UNC5C: variants seen among roughly 807,000 people sequenced by gnomAD.
UNC5C encodes the protein unc-5 netrin receptor C.
UNC5C carries 47 observed loss-of-function variants against 99.8 expected under a neutral mutation model. The ratio of observed to expected loss-of-function variants is 0.47; its 90% CI spans 0.37 to 0.60. The LOEUF is 0.60. Among genes scored for constraint, UNC5C ranks in the 20% least tolerant of loss-of-function variants. The pLI is 0.00. For missense variants in UNC5C, 1,062 were observed against 1,165.9 expected (o/e 0.91, Z 1.30); for synonymous variants, 487 against 452.2 (o/e 1.08, Z -0.98).
intron 1 of UNC5C, among the ~76,000 whole-genome samples, chr4:95,441,435 CTG>C (rs1378122144): frequency 2.0e-5 from 3 of 152,140 alleles, no homozygotes; most frequent in African/African-American, 7.2e-5. Context: ...AAGGAGGACT[CTG>C]TGATTATCAG....
chr4:95,266,757 C>T (rs190159829), intron 4 of UNC5C, among the ~76,000 whole-genome samples: 248 of 152,282 alleles, frequency 1.6e-3, no homozygotes, highest in African/African-American at 5.2e-3. Context: ...GCTCTGTTAC[C>T]TCTTTCCTAA....
chr4:95,241,374 G>A (rs934574900), intron 7 of UNC5C, among the ~76,000 whole-genome samples: 5 of 152,134 alleles, frequency 3.3e-5, no homozygotes, highest in Non-Finnish European at 7.4e-5. Flanking sequence ...CAACATAATT[G>A]TTTATTTGTA....
At chr4:95,224,517 T>C (rs886757369) in intron 7 of UNC5C, among the ~76,000 whole-genome samples, 11 of 152,326 alleles carry the variant, frequency 7.2e-5, no homozygotes, top group Middle Eastern at 3.4e-3. Flanking sequence ...TTCACAAATA[T>C]TATGTAGATT....
intron 1 of UNC5C, among the ~76,000 whole-genome samples, chr4:95,486,640 G>A (rs1245669561): frequency 1.3e-5 from 2 of 151,582 alleles, no homozygotes; most frequent in African/African-American, 2.4e-5. Context: ...ATTCCAAAAT[G>A]CAAATCTGAT....
At chr4:95,390,021 A>G (rs1023869778) in intron 1 of UNC5C, among the ~76,000 whole-genome samples, 5 of 152,140 alleles carry the variant, frequency 3.3e-5, no homozygotes, top group Non-Finnish European at 5.9e-5. Flanking sequence ...TGTCTTGAAA[A>G]TAGTGTAATA....
chr4:95,534,025 A>AT lies in UNC5C; in HGVS notation c.124+14708dup, dbSNP rs397947924. Among the ~76,000 whole-genome samples, 1,071 of 152,358 alleles carry AT rather than the reference A, an allele frequency of 7.0e-3. 11 individuals are homozygous for AT. The highest frequency in any genetic ancestry group is 0.045 in the East Asian group (231 of 5,190). On this transcript the variant is annotated intron_variant, in intron 1 of 15. Transcript: ENST00000453304. ...GAATAATATCCTATAAAGATAAAAC[A>AT]TTTTTATAATTATGTAGGGACTAAA...
chr4:95,387,147 AT>A (rs374635489), intron 1 of UNC5C, among the ~76,000 whole-genome samples: 1 of 149,904 alleles, frequency 6.7e-6, no homozygotes, highest in African/African-American at 2.4e-5. Flanking sequence ...CTCTCTTTTT[AT>A]TTTTTTTTGA....
intron 13 of UNC5C, among the ~76,000 whole-genome samples, chr4:95,184,266 G>T (rs150446105): frequency 9.9e-4 from 151 of 152,300 alleles, no homozygotes; most frequent in African/African-American, 3.4e-3. Context: ...ATGAGAGTGA[G>T]AATGGAGCCA....
At chr4:95,473,436 A>G (rs564992995) in intron 1 of UNC5C, among the ~76,000 whole-genome samples, 5 of 152,132 alleles carry the variant, frequency 3.3e-5, no homozygotes, top group Admixed American at 1.3e-4. Flanking sequence ...GCTTCTTTGT[A>G]TTTTATGAAC....
At chr4:95,276,483 T>C (rs1740864244) in intron 4 of UNC5C, among the ~76,000 whole-genome samples, 1 of 152,036 alleles carries the variant, frequency 6.6e-6, no homozygotes, top group Non-Finnish European at 1.5e-5. Flanking sequence ...AATGAAGAAA[T>C]TACTAAGATC....
At position 95,470,742 on chromosome 4, in the gene UNC5C, C is replaced by T. The variant is rs539975020; in HGVS notation, c.124+77992G>A. Among the ~76,000 whole-genome samples, 6 of 152,140 alleles carry T rather than the reference C, an allele frequency of 3.9e-5. No homozygotes were observed. The East Asian group carries it at 1.2e-3, about 29-fold the overall frequency. On this transcript the variant is annotated intron_variant, in intron 1 of 15. Coordinates refer to ENST00000453304, the MANE Select transcript of UNC5C (RefSeq NM_003728.4). ...ATAACTAGAGGAGGAAAAGAAGCAA[C>T]ATTTTGATTTGATAAATATTTTTAA...
chr4:95,538,338 T>C lies in UNC5C; in HGVS notation c.124+10396A>G, dbSNP rs143618136. ...ACTGGCTATTAGCAGAAATGGCTCCTTTCTATAAAAATCACTTTTCCTCAA... is the reference window on the plus strand; with the variant it reads ...ACTGGCTATTAGCAGAAATGGCTCCCTTCTATAAAAATCACTTTTCCTCAA... On this transcript the variant is annotated intron_variant, in intron 1 of 15. Transcript: ENST00000453304. Among the ~76,000 whole-genome samples, 853 of 152,330 alleles carry C rather than the reference T, an allele frequency of 5.6e-3. 10 individuals are homozygous for C. Among genetic ancestry groups the C allele is most frequent in the African/African-American group, 0.019 (794 of 41,564 alleles).
At chr4:95,219,337 C>T (rs773270469) in intron 8 of UNC5C, 24 bp from the exon 9 acceptor site, 9 of 1,599,100 alleles carry the variant, frequency 5.6e-6, no homozygotes, top group South Asian at 2.3e-5. Flanking sequence ...AGAAAATAAT[C>T]CCATTGGCAT....
intron 1 of UNC5C, among the ~76,000 whole-genome samples, chr4:95,365,459 T>C (rs1388195661): frequency 6.7e-6 from 1 of 148,994 alleles, no homozygotes; most frequent in Non-Finnish European, 1.5e-5. Context: ...CAATATATAA[T>C]GTAAAAGATA....
chr4:95,339,967 A>G (rs961822842), intron 1 of UNC5C, among the ~76,000 whole-genome samples: 1 of 152,108 alleles, frequency 6.6e-6, no homozygotes, highest in Non-Finnish European at 1.5e-5. Context: ...CTATTACTCA[A>G]TACTGACATT....
rs536039867 is a variant in UNC5C at position 95,424,518 on chromosome 4, C to CTTTTTTTTTT, written c.125-88897_125-88888dup. ...GGCTTCAGAATTTTTTTTTTCTTTTCTTTTTTTTTTTTTTTTTTTTTGAGA... is the reference window on the plus strand; with the variant it reads ...GGCTTCAGAATTTTTTTTTTCTTTTCTTTTTTTTTTTTTTTTTTTTTTTTTTTTTTTGAGA... On this transcript the variant is annotated intron_variant, in intron 1 of 15. Coordinates refer to ENST00000453304, the MANE Select transcript of UNC5C (RefSeq NM_003728.4). 1.3e-3 allele frequency among the ~76,000 whole-genome samples: 90 copies of CTTTTTTTTTT among 67,960 alleles called. 7 individuals carry two copies. Among genetic ancestry groups the CTTTTTTTTTT allele is most frequent in the African/African-American group, 4.4e-3 (74 of 16,830 alleles). 44.6% of individuals were successfully genotyped at this position (67,960 alleles called of 152,430 possible).
At chr4:95,298,317 TCAAACAAA>T (rs1011365205) in intron 3 of UNC5C, among the ~76,000 whole-genome samples, 1 of 151,960 alleles carries the variant, frequency 6.6e-6, no homozygotes, top group Non-Finnish European at 1.5e-5. Flanking sequence ...ATCTCAAAAA[TCAAACAAA>T]CAAACAAACA....
At chr4:95,292,297 T>C (rs1282609417) in intron 3 of UNC5C, among the ~76,000 whole-genome samples, 2 of 147,466 alleles carry the variant, frequency 1.4e-5, no homozygotes, top group Non-Finnish European at 3.0e-5. Flanking sequence ...TGAGATGGAG[T>C]CTTGCTCTGT....
intron 10 of UNC5C, among the ~76,000 whole-genome samples, chr4:95,213,380 C>T (rs555586254): frequency 6.6e-6 from 1 of 152,328 alleles, no homozygotes; most frequent in Non-Finnish European, 1.5e-5. Flanking sequence ...ACCAGGAAAA[C>T]AAAGGCGTCG....
Sources: allele counts gnomAD v4.1 joint callset (sites outside exome capture counted in the v4.1 genomes callset), GRCh38; gene constraint gnomAD v4.1.1; transcripts MANE v1.5; gene names NCBI Gene and HGNC (gene_info 2026-07-23, HGNC 2026-07-21).